RBKS: variants seen among roughly 807,000 people sequenced by gnomAD.
RBKS encodes ribokinase.
RBKS carries 33 observed loss-of-function variants against 33.9 expected under a neutral mutation model. That is an observed-to-expected ratio of 0.97 (90% confidence interval 0.74 to 1.30). The LOEUF (loss-of-function observed/expected upper bound fraction) is 1.30. Ranked by LOEUF, RBKS falls within the 50% of genes most tolerant of loss-of-function variation. The probability of loss-of-function intolerance (pLI) is 0.00; values close to 1 mark genes in which losing one functional copy is unlikely to be tolerated. For missense variants in RBKS, 361 were observed against 392.6 expected (o/e 0.92, Z 0.68); for synonymous variants, 125 against 143.0 (o/e 0.87, Z 0.90).
chr2:27,887,303 C>A (rs1206012765), intron 1 of RBKS, among the ~76,000 whole-genome samples: 1 of 152,146 alleles, frequency 6.6e-6, no homozygotes, highest in Non-Finnish European at 1.5e-5. Flanking sequence ...GAAAACAGAT[C>A]CTCCTCTAGA....
intron 6 of RBKS, among the ~76,000 whole-genome samples, chr2:27,830,090 G>A (rs115978568): frequency 1.6e-3 from 241 of 152,270 alleles, no homozygotes; most frequent in African/African-American, 5.7e-3. Context: ...AATGCTCTGT[G>A]AGGCTGTTCC....
At chr2:27,878,584 T>C (rs1386774959) in intron 1 of RBKS, among the ~76,000 whole-genome samples, 2 of 152,126 alleles carry the variant, frequency 1.3e-5, no homozygotes, top group African/African-American at 4.8e-5. Flanking sequence ...TTTCTAGTTC[T>C]AGATCCCTGA....
chr2:27,849,581 A>AG (rs1663694960), intron 2 of RBKS, among the ~76,000 whole-genome samples: 1 of 133,214 alleles, frequency 7.5e-6, no homozygotes, highest in South Asian at 2.3e-4. Flanking sequence ...AAAAAAAAAA[A>AG]AAAAAGAAAA....
intron 7 of RBKS, among the ~76,000 whole-genome samples, chr2:27,815,641 CGAG>C (rs1390331310): frequency 1.3e-5 from 2 of 152,094 alleles, no homozygotes; most frequent in Non-Finnish European, 2.9e-5. Flanking sequence ...GGAAGATGGG[CGAG>C]GAGTAGACCA....
chr2:27,877,430 G>A (rs1329625728), intron 1 of RBKS, among the ~76,000 whole-genome samples: 1 of 151,802 alleles, frequency 6.6e-6, no homozygotes, highest in African/African-American at 2.4e-5. Context: ...TTTGTCATTA[G>A]CGTCTCCATT....
chr2:27,827,543 T>G, intron 7 of RBKS, 24 bp downstream of exon 7: 1 of 1,521,698 alleles, frequency 6.6e-7, no homozygotes, highest in Non-Finnish European at 8.8e-7. Context: ...AGGCTAAACA[T>G]GATTCTTAAA....
chr2:27,873,943 T>G (rs888132387), intron 1 of RBKS, among the ~76,000 whole-genome samples: 4 of 152,192 alleles, frequency 2.6e-5, no homozygotes, highest in African/African-American at 4.8e-5. Context: ...AGATAATTTA[T>G]AGCAGCCTTC....
At chr2:27,850,074 A>C (rs1288831148) in intron 2 of RBKS, among the ~76,000 whole-genome samples, 1 of 152,188 alleles carries the variant, frequency 6.6e-6, no homozygotes, top group Non-Finnish European at 1.5e-5. Context: ...CTACAGTTGA[A>C]TCTACAGCAG....
At chr2:27,806,507 C>T (rs1289248931) in intron 7 of RBKS, among the ~76,000 whole-genome samples, 5 of 152,120 alleles carry the variant, frequency 3.3e-5, no homozygotes, top group Non-Finnish European at 5.9e-5. Context: ...ATTGCAATGC[C>T]GTGAGGTAGG....
intron 1 of RBKS, among the ~76,000 whole-genome samples, chr2:27,881,553 TAAATAAAATA>T: frequency 6.7e-6 from 1 of 150,236 alleles, no homozygotes; most frequent in Middle Eastern, 3.4e-3. Flanking sequence ...AATAAATAAA[TAAATAAAATA>T]AAATAAAATA....
In RBKS at chr2:27,781,611, G is replaced by A. The variant is rs371305138; in HGVS notation, c.*4C>T. On this transcript the variant is annotated 3_prime_UTR_variant, in exon 8 of 8. Transcript: ENST00000302188. ...AGGTATATTTATTTTGGGACTAATA[G>A]CAATCAAAACAGAGTAAGCGGAAGG... is the stretch of plus-strand genomic sequence containing the variant. 104 of 1,602,560 alleles carry A rather than the reference G, an allele frequency of 6.5e-5. No homozygotes were observed. The highest frequency in any genetic ancestry group is 3.9e-4 in the Admixed American group (23 of 58,250).
intron 7 of RBKS, chr2:27,809,704 A>T (rs923761703): frequency 6.2e-6 from 2 of 320,482 alleles, no homozygotes; most frequent in African/African-American, 4.3e-5. Context: ...CTAAATGTTC[A>T]TCTTCTAACA....
rs569741120 is a variant in RBKS at position 27,877,183 on chromosome 2, C to A, written c.89+13074G>T. ...TCAACACAAAAATGAACTCAAGTTTCTTTGCTACTCTGATATTCTCTAGTT... is the reference window on the plus strand; with the variant it reads ...TCAACACAAAAATGAACTCAAGTTTATTTGCTACTCTGATATTCTCTAGTT... On this transcript the variant is annotated intron_variant, in intron 1 of 7. Coordinates refer to ENST00000302188, the MANE Select transcript of RBKS (RefSeq NM_022128.3). Among the ~76,000 whole-genome samples, 48 of 152,182 alleles carry A rather than the reference C, an allele frequency of 3.2e-4. 1 individual carries two copies. The highest frequency in any genetic ancestry group is 1.1e-3 in the African/African-American group (46 of 41,546).
chr2:27,866,229 G>T lies in RBKS; in HGVS notation c.90-7658C>A, dbSNP rs143492028. On this transcript the variant is annotated intron_variant, in intron 1 of 7. Transcript: ENST00000302188. ...CAGTTTAGTTTTCAAGCACTTTAAA[G>T]ATTTTATTTTCTTCTGACTTGCATC... 5.3e-5 allele frequency among the ~76,000 whole-genome samples: 8 copies of T among 152,266 alleles called. No individual in the cohort carries two copies. The East Asian group carries it at 1.5e-3, about 29-fold the overall frequency.
At chr2:27,791,643 CT>C (rs1215245790) in intron 7 of RBKS, among the ~76,000 whole-genome samples, 2,247 of 122,484 alleles carry the variant, frequency 0.018, 40 homozygotes, top group African/African-American at 0.054. Context: ...CACACACACA[CT>C]AAATATACAT....
chr2:27,890,383 T>A lies in RBKS; in HGVS notation c.-38A>T. On this transcript the variant is annotated 5_prime_UTR_variant, in exon 1 of 8. Coordinates refer to ENST00000302188, the MANE Select transcript of RBKS (RefSeq NM_022128.3). The surrounding 1 kb of genome is among the most constrained non-coding windows in gnomAD (Gnocchi z 4.8). ...CTGCTGTCCAACCTGGACGGTGACC[T>A]CTGCCCTTTGCCCGACCCCGTAACC... 5 of 1,587,532 alleles carry A rather than the reference T, an allele frequency of 3.1e-6. No individual in the cohort carries two copies. The highest frequency in any genetic ancestry group is 4.3e-6 in the Non-Finnish European group (5 of 1,166,710).
intron 1 of RBKS, among the ~76,000 whole-genome samples, chr2:27,884,730 CT>C (rs1664493303): frequency 6.6e-6 from 1 of 152,132 alleles, no homozygotes; most frequent in Non-Finnish European, 1.5e-5. Flanking sequence ...CAAGCCATCA[CT>C]TTTAATTGGC....
At chr2:27,806,510 G>A (rs756257745) in intron 7 of RBKS, among the ~76,000 whole-genome samples, 1 of 152,226 alleles carries the variant, frequency 6.6e-6, no homozygotes, top group Non-Finnish European at 1.5e-5. Flanking sequence ...GCAATGCCGT[G>A]AGGTAGGTAG....
intron 1 of RBKS, among the ~76,000 whole-genome samples, chr2:27,887,923 T>G (rs1309380768): frequency 2.0e-5 from 3 of 152,160 alleles, no homozygotes; most frequent in Non-Finnish European, 4.4e-5. Flanking sequence ...TTTCTAGCTC[T>G]GAAATAAGAC....
Sources: allele counts gnomAD v4.1 joint callset (sites outside exome capture counted in the v4.1 genomes callset), GRCh38; gene constraint gnomAD v4.1.1; non-coding constraint Gnocchi (gnomAD v3.1); transcripts MANE v1.5; gene names NCBI Gene and HGNC (gene_info 2026-07-23, HGNC 2026-07-21).